UNC5C: variants seen among roughly 807,000 people sequenced by gnomAD.
UNC5C encodes the protein unc-5 netrin receptor C.
Under a neutral mutation model 99.8 loss-of-function variants are expected in UNC5C, and 47 were observed. That is an observed-to-expected ratio of 0.47 (90% CI 0.37 to 0.60). The LOEUF (loss-of-function observed/expected upper bound fraction) is 0.60, where lower values mean the gene tolerates loss of function less well. Among genes scored for constraint, UNC5C ranks in the 20% least tolerant of loss-of-function variants. The pLI, the probability that UNC5C is intolerant of heterozygous loss-of-function variation, is 0.00. For synonymous variants in UNC5C, 487 were observed against 452.2 expected (o/e 1.08, Z -0.98); for missense variants, 1,062 against 1,165.9 (o/e 0.91, Z 1.30).
At chr4:95,339,655 G>T (rs1281110219) in intron 1 of UNC5C, among the ~76,000 whole-genome samples, 2 of 151,990 alleles carry the variant, frequency 1.3e-5, no homozygotes, top group African/African-American at 4.8e-5. Context: ...AGCAACTTCA[G>T]ACTGTGAACT....
chr4:95,335,338 C>A, intron 2 of UNC5C, 72 bp downstream of exon 2: 1 of 1,327,888 alleles, frequency 7.5e-7, no homozygotes, highest in Non-Finnish European at 1.0e-6. Flanking sequence ...ATTGAAATAA[C>A]AGTATGTCCA....
chr4:95,488,048 TC>T, intron 1 of UNC5C, among the ~76,000 whole-genome samples: 1 of 151,828 alleles, frequency 6.6e-6, no homozygotes, highest in African/African-American at 2.4e-5. Context: ...CCTTTCACCT[TC>T]CTTTGGTTAA....
chr4:95,274,766 C>A (rs577718074), intron 4 of UNC5C, among the ~76,000 whole-genome samples: 12 of 152,042 alleles, frequency 7.9e-5, no homozygotes, highest in African/African-American at 1.9e-4. Context: ...TAGCTCACAC[C>A]TGTAATCCCA....
chr4:95,332,217 C>G (rs1195156022), intron 2 of UNC5C, among the ~76,000 whole-genome samples: 3 of 152,152 alleles, frequency 2.0e-5, no homozygotes, highest in African/African-American at 7.2e-5. Flanking sequence ...TTGGAAAAAA[C>G]TACTTTAAAG....
At chr4:95,304,083 G>A (rs1741971732) in intron 2 of UNC5C, among the ~76,000 whole-genome samples, 1 of 152,116 alleles carries the variant, frequency 6.6e-6, no homozygotes, top group Admixed American at 6.5e-5. Flanking sequence ...AGCTGATGAG[G>A]CTTGTGTCAT....
chr4:95,224,338 G>A (rs190403387), intron 7 of UNC5C, among the ~76,000 whole-genome samples: 5 of 152,228 alleles, frequency 3.3e-5, no homozygotes, highest in Admixed American at 2.6e-4. Context: ...GAAGAGCTGC[G>A]TCTTGCAAAA....
chr4:95,278,553 T>C (rs1740944865), intron 3 of UNC5C, among the ~76,000 whole-genome samples, 191 bp from the exon 4 acceptor site: 1 of 151,966 alleles, frequency 6.6e-6, no homozygotes, highest in Non-Finnish European at 1.5e-5. Flanking sequence ...CAGCTCACTG[T>C]AGTTTTGAAC....
chr4:95,260,696 G>A (rs1740187189), intron 4 of UNC5C, among the ~76,000 whole-genome samples: 1 of 152,140 alleles, frequency 6.6e-6, no homozygotes, highest in Admixed American at 6.5e-5. Flanking sequence ...AGGGCACCTT[G>A]TACTCCCTAA....
rs1553958327 is a variant in UNC5C at position 95,256,699 on chromosome 4, A to ATATATATAT, written c.595-6033_595-6032insATATATATA. On this transcript the variant is annotated intron_variant, in intron 4 of 15. Coordinates refer to ENST00000453304, the MANE Select transcript of UNC5C (RefSeq NM_003728.4). ...TTGTCTAGAGGGACAGAACTAAATA[A>ATATATATAT]ATATATATATATATATATATATGAG... Among the ~76,000 whole-genome samples, 197 of 90,664 alleles carry ATATATATAT rather than the reference A, an allele frequency of 2.2e-3. 1 individual carries two copies. Among genetic ancestry groups the ATATATATAT allele is most frequent in the African/African-American group, 6.6e-3 (183 of 27,780 alleles). The allele number at this position is 90,664 out of a possible 152,430, so 59.5% of individuals were successfully genotyped here. A position where few individuals can be genotyped will look rare whatever the true frequency, so the allele number is the denominator to read the frequency against.
intron 1 of UNC5C, among the ~76,000 whole-genome samples, chr4:95,544,519 G>A (rs1470591492): frequency 3.9e-5 from 6 of 152,178 alleles, no homozygotes; most frequent in East Asian, 1.9e-4. Flanking sequence ...ACCTGTGTCC[G>A]CTTTTATACT....
At chr4:95,302,652 C>T (rs1741919527) in intron 2 of UNC5C, among the ~76,000 whole-genome samples, 1 of 152,190 alleles carries the variant, frequency 6.6e-6, no homozygotes, top group East Asian at 1.9e-4. Context: ...ACCAGCAGAA[C>T]ACCCCTAGGG....
intron 1 of UNC5C, among the ~76,000 whole-genome samples, chr4:95,478,902 G>A (rs554122101): frequency 1.6e-4 from 24 of 151,636 alleles, no homozygotes; most frequent in Admixed American, 1.3e-3. Context: ...CCATTAGTTC[G>A]TGTGAGAACT....
intron 1 of UNC5C, among the ~76,000 whole-genome samples, chr4:95,468,384 A>G (rs532464915): frequency 1.3e-5 from 2 of 152,136 alleles, no homozygotes; most frequent in South Asian, 4.2e-4. Context: ...CTCTTCTGTT[A>G]GTTTCTCTGG....
At chr4:95,457,242 T>C (rs1217204625) in intron 1 of UNC5C, among the ~76,000 whole-genome samples, 1 of 152,156 alleles carries the variant, frequency 6.6e-6, no homozygotes, top group Non-Finnish European at 1.5e-5. Context: ...AAACCTGTTA[T>C]ATGTACTGAT....
In UNC5C at chr4:95,220,110, G is replaced by A. The variant is rs765485658; in HGVS notation, c.1175C>T (p.Ala392Val). The change falls in exon 8 of 16, where the codon GCG (alanine) becomes GTG (valine). Residue 392 changes from alanine to valine, a missense_variant. Ala to Val is a moderately conservative substitution (Grantham distance 64, BLOSUM62 0). Coordinates refer to ENST00000453304, the MANE Select transcript of UNC5C (RefSeq NM_003728.4). ...GIVIAVIVCL[A>V]ISVVVALFVY... The stretch of plus-strand genomic sequence containing the variant: ...AAACAAGGCCACAACTACAGAGATC[G>A]CCAGGCAAACGATCACTGCTATCAC... The A allele has an allele frequency of 1.7e-5, 27 of 1,613,926 alleles. 1 individual carries two copies. Among genetic ancestry groups the A allele is most frequent in the East Asian group, 8.9e-5 (4 of 44,882 alleles).
intron 2 of UNC5C, among the ~76,000 whole-genome samples, chr4:95,323,853 T>C (rs1317125806): frequency 6.6e-6 from 1 of 152,050 alleles, no homozygotes; most frequent in African/African-American, 2.4e-5. Context: ...CTGGCCAACA[T>C]GGTGAAACCC....
chr4:95,480,511 C>G (rs1295437398), intron 1 of UNC5C, among the ~76,000 whole-genome samples: 1 of 151,730 alleles, frequency 6.6e-6, no homozygotes, highest in African/African-American at 2.4e-5. Flanking sequence ...CATTTTCTAC[C>G]ATTATACACA....
chr4:95,325,302 A>C (rs1242833081), intron 2 of UNC5C, among the ~76,000 whole-genome samples: 1 of 152,338 alleles, frequency 6.6e-6, no homozygotes, highest in African/African-American at 2.4e-5. Context: ...TTAGGCCTAT[A>C]ACTACTTGGA....
At chr4:95,405,722 A>C (rs1165942297) in intron 1 of UNC5C, among the ~76,000 whole-genome samples, 1 of 152,210 alleles carries the variant, frequency 6.6e-6, no homozygotes, top group Non-Finnish European at 1.5e-5. Flanking sequence ...GACAGAACCG[A>C]AGTCCAGGTC....
Sources: allele counts gnomAD v4.1 joint callset (sites outside exome capture counted in the v4.1 genomes callset), GRCh38; gene constraint gnomAD v4.1.1; transcripts MANE v1.5; gene names NCBI Gene and HGNC (gene_info 2026-07-23, HGNC 2026-07-21).